GYS2: variants seen among roughly 807,000 people sequenced by gnomAD.
GYS2 encodes glycogen [starch] synthase, liver.
Under a neutral mutation model 85.6 loss-of-function variants are expected in GYS2, and 80 were observed. The ratio of observed to expected loss-of-function variants is 0.93; its 90% CI spans 0.78 to 1.13. The LOEUF (loss-of-function observed/expected upper bound fraction) is 1.13, where lower values mean the gene tolerates loss of function less well. GYS2 is among the 50% of genes most tolerant of loss of function. GYS2 has a pLI of 0.00. For missense variants in GYS2, 881 were observed against 854.9 expected (o/e 1.03, Z -0.38); for synonymous variants, 328 against 300.7 (o/e 1.09, Z -0.94).
At chr12:21,563,069 A>C in intron 6 of GYS2, 31 bp from the exon 7 acceptor site, 1 of 1,505,606 alleles carries the variant, frequency 6.6e-7, no homozygotes, top group South Asian at 1.1e-5. Flanking sequence ...ACAGTTTCAA[A>C]TGAAATACAG....
intron 11 of GYS2, among the ~76,000 whole-genome samples, chr12:21,552,844 A>C (rs1258533364): frequency 1.3e-5 from 2 of 152,098 alleles, no homozygotes; most frequent in Admixed American, 1.3e-4. Context: ...ATCAAGATCT[A>C]GCTAACACGT....
chr12:21,571,542 C>T (rs1944385044), intron 4 of GYS2, among the ~76,000 whole-genome samples: 1 of 152,218 alleles, frequency 6.6e-6, no homozygotes, highest in South Asian at 2.1e-4. Flanking sequence ...TTGAAGTTGA[C>T]TAGCTCAAAG....
At chr12:21,552,943 C>T (rs2136863077) in intron 11 of GYS2, among the ~76,000 whole-genome samples, 1 of 152,296 alleles carries the variant, frequency 6.6e-6, no homozygotes, top group Non-Finnish European at 1.5e-5. Context: ...TCACATCTCT[C>T]CTAAAAATAA....
intron 1 of GYS2, among the ~76,000 whole-genome samples, chr12:21,600,450 G>C (rs150433073): frequency 1.3e-5 from 2 of 152,004 alleles, no homozygotes; most frequent in African/African-American, 4.8e-5. Context: ...TAAAAGTGGT[G>C]GGGGGTAGGA....
At chr12:21,577,124 C>CT (rs1233554786) in intron 2 of GYS2, among the ~76,000 whole-genome samples, 11 of 152,214 alleles carry the variant, frequency 7.2e-5, no homozygotes, top group African/African-American at 2.6e-4. Flanking sequence ...TTGAAAGACC[C>CT]TCATTATGTT....
chr12:21,568,933 G>A lies in GYS2; in HGVS notation c.755C>T (p.Ala252Val), dbSNP rs886049160. ...TTCAGAAACCGTGGTGAACACGTGA[G>A]CGCAATGAACGGAAGCTCGCTCCAT... Reference protein sequence around the residue: ...YCMERASVHCAHVFTTVSEIT... With the variant: ...YCMERASVHCVHVFTTVSEIT... The change falls in exon 5 of 16, where the codon GCT becomes GTT. Residue 252 changes from alanine (A) to valine (V), a missense_variant. Coordinates refer to ENST00000261195, the MANE Select transcript of GYS2 (RefSeq NM_021957.4). 1.2e-6 allele frequency: 2 copies of A among 1,613,026 alleles called. No individual in the cohort carries two copies. Among genetic ancestry groups the A allele is most frequent in the East Asian group, 2.2e-5 (1 of 44,872 alleles).
At chr12:21,537,443 A>G (rs2417995) in intron 15 of GYS2, 5 of 452,968 alleles carry the variant, frequency 1.1e-5, no homozygotes, top group African/African-American at 7.9e-5. Context: ...ACTCTGATAA[A>G]TATGTTTTTT....
chr12:21,593,679 A>C (rs1341149984), intron 1 of GYS2, among the ~76,000 whole-genome samples: 2 of 152,102 alleles, frequency 1.3e-5, no homozygotes, highest in Admixed American at 6.5e-5. Flanking sequence ...GTCAAATTTT[A>C]CCAAACTTTC....
chr12:21,546,103 C>T (rs1300789491), intron 12 of GYS2, among the ~76,000 whole-genome samples: 4 of 152,074 alleles, frequency 2.6e-5, no homozygotes. Flanking sequence ...GGCAATACCT[C>T]ACATACCTCC....
intron 7 of GYS2, among the ~76,000 whole-genome samples, chr12:21,562,524 T>C (rs1414542124): frequency 1.3e-5 from 2 of 152,166 alleles, no homozygotes; most frequent in Non-Finnish European, 2.9e-5. Flanking sequence ...TCTTCACTGA[T>C]TTTCTGAAAA....
intron 10 of GYS2, among the ~76,000 whole-genome samples, chr12:21,558,575 C>G (rs79541421): frequency 6.6e-6 from 1 of 152,076 alleles, no homozygotes. Context: ...TGATTGCTTC[C>G]GGGACTTATT....
chr12:21,588,772 T>C (rs1350068508), intron 1 of GYS2, among the ~76,000 whole-genome samples: 2 of 152,254 alleles, frequency 1.3e-5, no homozygotes, highest in Admixed American at 1.3e-4. Flanking sequence ...TAACATAAAT[T>C]GATGTCATCT....
At position 21,604,623 on chromosome 12, in the gene GYS2, A is replaced by G; in HGVS notation, c.-31T>C. ...TTACAGTCCTCCGAGACTCCTTTGA[A>G]TTCCTGTTTCAATTAGTTGTAATCC... On this transcript the variant is annotated 5_prime_UTR_variant, in exon 1 of 16. Transcript: ENST00000261195. 6.2e-7 allele frequency: 1 copy of G among 1,611,346 alleles called. No individual in the cohort carries two copies. Among genetic ancestry groups the G allele is most frequent in the Non-Finnish European group, 8.5e-7 (1 of 1,178,090 alleles).
Position 21,536,854 on chromosome 12 carries a change from A to G in GYS2, c.*100T>C. 1.2e-6 allele frequency: 1 copy of G among 812,718 alleles called. No individual in the cohort carries two copies. Among genetic ancestry groups the G allele is most frequent in the Non-Finnish European group, 2.1e-6 (1 of 477,100 alleles). 50.3% of individuals were successfully genotyped at this position (812,718 alleles called of 1,614,324 possible). ...TAGGCAGAGAATAAACTCCATTGTA[A>G]TACTTAGAAGGAGAAAATGAAATTT... On this transcript the variant is annotated 3_prime_UTR_variant, in exon 16 of 16. Transcript: ENST00000261195.
At chr12:21,538,725 A>G (rs1028846634) in intron 15 of GYS2, among the ~76,000 whole-genome samples, 5 of 152,192 alleles carry the variant, frequency 3.3e-5, no homozygotes, top group African/African-American at 7.2e-5. Flanking sequence ...GTGGCACCTC[A>G]TGTCTTCTCC....
chr12:21,567,682 C>T (rs879548258), intron 5 of GYS2, among the ~76,000 whole-genome samples: 29 of 152,158 alleles, frequency 1.9e-4, no homozygotes, highest in Admixed American at 1.1e-3. Flanking sequence ...TATAAACCTA[C>T]TAATGCTGGC....
intron 1 of GYS2, among the ~76,000 whole-genome samples, chr12:21,601,199 C>T (rs2136938699): frequency 6.6e-6 from 1 of 152,112 alleles, no homozygotes; most frequent in African/African-American, 2.4e-5. Context: ...ATTTTTCCCC[C>T]ACATTTGGGC....
intron 15 of GYS2, 40 bp downstream of exon 15, chr12:21,539,218 A>G: frequency 9.2e-7 from 1 of 1,081,606 alleles, no homozygotes; most frequent in Non-Finnish European, 1.4e-6. Context: ...ACTTATAAAA[A>G]GAAATATAGC....
Position 21,574,240 on chromosome 12 carries a change from C to A in GYS2, c.582G>T (p.Arg194Ser). ...AGIGLILSRA[R>S]KLPIATIFTT... The stretch of plus-strand genomic sequence containing the variant: ...TAAATATTGTGGCAATAGGAAGTTT[C>A]CTGGCTCGAGAAAGGATCAGTCCAA... The change falls in exon 4 of 16, where the codon AGG (arginine) becomes AGT (serine). Residue 194 changes from arginine (R) to serine (S), a missense_variant. Coordinates refer to ENST00000261195, the MANE Select transcript of GYS2 (RefSeq NM_021957.4). The A allele has an allele frequency of 6.2e-7, 1 of 1,613,716 alleles. No individual in the cohort carries two copies. Among genetic ancestry groups the A allele is most frequent in the Non-Finnish European group, 8.5e-7 (1 of 1,179,658 alleles).
Sources: allele counts gnomAD v4.1 joint callset (sites outside exome capture counted in the v4.1 genomes callset), GRCh38; gene constraint gnomAD v4.1.1; transcripts MANE v1.5; gene names NCBI Gene and HGNC (gene_info 2026-07-23, HGNC 2026-07-21).